The following CCNY variants were observed in gnomAD, a reference collection of about 807,000 sequenced individuals.
CCNY encodes the protein cyclin-Y.
In CCNY, 19 loss-of-function variants were observed where a neutral mutation model predicts 42.8. The ratio of observed to expected loss-of-function variants is 0.44; its 90% confidence interval spans 0.31 to 0.65. CCNY has a LOEUF of 0.65. Ranked by LOEUF, CCNY falls within the 30% of genes least tolerant of loss-of-function variation. The pLI is 0.07. For missense variants in CCNY, 370 were observed against 437.3 expected, an observed-to-expected ratio of 0.85 and a Z score of 1.37; for synonymous variants, 165 against 162.7, an observed-to-expected ratio of 1.01 and a Z score of -0.11.
intron 1 of CCNY, among the ~76,000 whole-genome samples, chr10:35,433,454 A>T (rs1838457599): frequency 6.6e-6 from 1 of 152,206 alleles, no homozygotes; most frequent in African/African-American, 2.4e-5. Context: ...TTCTTGTCAA[A>T]TAGTATAACA....
intron 1 of CCNY, among the ~76,000 whole-genome samples, chr10:35,437,196 G>A (rs1215646485): frequency 1.3e-5 from 2 of 152,168 alleles, no homozygotes; most frequent in Non-Finnish European, 2.9e-5. Context: ...TTTGGGTGGG[G>A]ACACAGAGCC....
At chr10:35,253,259 A>AT (rs1228661208) in intron 3 of CCNY, among the ~76,000 whole-genome samples, 1 of 151,322 alleles carries the variant, frequency 6.6e-6, no homozygotes, top group South Asian at 2.1e-4. Context: ...TCTCCACGTA[A>AT]TTTTTTTTGG....
intron 3 of CCNY, among the ~76,000 whole-genome samples, chr10:35,329,437 C>T (rs189353277): frequency 8.6e-4 from 131 of 152,184 alleles, no homozygotes; most frequent in Non-Finnish European, 1.6e-3. Context: ...TGTTTTTTAT[C>T]ATCCTGAAAA....
Position 35,336,544 on chromosome 10 carries a change from G to A in CCNY, c.-510G>A, listed in dbSNP as rs1836032425. On this transcript the variant is annotated 5_prime_UTR_variant, in exon 1 of 10. Coordinates refer to ENST00000374704, the MANE Select transcript of CCNY (RefSeq NM_145012.6). ...GCCGCGCCGCACCGCGCCGCGAGGA[G>A]TCCGGGGGCTGCGCCCACGCCCGCT... The A allele has an allele frequency of 6.7e-6, 1 of 149,020 alleles. No individual in the cohort carries two copies. Among genetic ancestry groups the A allele is most frequent in the Non-Finnish European group, 1.5e-5 (1 of 66,904 alleles). 9.2% of individuals were successfully genotyped at this position (149,020 alleles called of 1,614,324 possible). A position where few individuals can be genotyped will look rare whatever the true frequency, so the allele number is the denominator to read the frequency against.
At chr10:35,362,986 G>A (rs923681584) in intron 1 of CCNY, among the ~76,000 whole-genome samples, 1 of 151,510 alleles carries the variant, frequency 6.6e-6, no homozygotes, top group African/African-American at 2.4e-5. Flanking sequence ...CAGACAGGGC[G>A]GCGGCCGGGC....
chr10:35,568,939 C>A, intron 9 of CCNY, 115 bp from the exon 10 acceptor site: 1 of 706,694 alleles, frequency 1.4e-6, no homozygotes, highest in Admixed American at 2.1e-5. Flanking sequence ...GCCGGAGCTC[C>A]ACAGGGGCAG....
intron 3 of CCNY, among the ~76,000 whole-genome samples, chr10:35,509,349 C>T (rs1564439799): frequency 6.6e-6 from 1 of 152,158 alleles, no homozygotes; most frequent in Non-Finnish European, 1.5e-5. Context: ...GATCTTGGCT[C>T]ACTGCAACCT....
intron 3 of CCNY, among the ~76,000 whole-genome samples, chr10:35,258,659 T>G (rs1474695238): frequency 2.6e-5 from 4 of 152,072 alleles, no homozygotes; most frequent in African/African-American, 9.7e-5. Flanking sequence ...TAGAAACACA[T>G]GTGGGGTACA....
rs567437087 is a variant in CCNY at position 35,546,196 on chromosome 10, T to C, written c.580-6823T>C. On this transcript the variant is annotated intron_variant, in intron 7 of 9. Transcript: ENST00000374704. ...AGATTTAAAGTCCAGAAAGAAATTA[T>C]ATCTGGTACAGATTCAGACAATTAA... Among the ~76,000 whole-genome samples, 5 of 152,360 alleles carry C rather than the reference T, an allele frequency of 3.3e-5. No individual in the cohort carries two copies. In the South Asian group the frequency reaches 8.3e-4, roughly 25 times the overall value.
At chr10:35,521,628 G>T (rs554940099) in intron 4 of CCNY, among the ~76,000 whole-genome samples, 1 of 152,218 alleles carries the variant, frequency 6.6e-6, no homozygotes, top group Non-Finnish European at 1.5e-5. Flanking sequence ...AGACTGGATC[G>T]TTCTGGCCCT....
chr10:35,435,327 C>G (rs765915776), intron 1 of CCNY, among the ~76,000 whole-genome samples: 2 of 152,206 alleles, frequency 1.3e-5, no homozygotes, highest in Non-Finnish European at 2.9e-5. Context: ...TACCTATGGA[C>G]AGGCTTATTG....
chr10:35,419,533 C>CTTTTTTTTTTTTTTTTTTTTTTT lies in CCNY; in HGVS notation c.155-63856_155-63855insTTTTTTTTTTTTTTTTTTTTTTT, dbSNP rs34429228. 1.2e-3 allele frequency among the ~76,000 whole-genome samples: 151 copies of CTTTTTTTTTTTTTTTTTTTTTTT among 129,626 alleles called. 5 individuals carry two copies. The highest frequency in any genetic ancestry group is 4.5e-3 in the African/African-American group (141 of 31,678). The allele number at this position is 129,626 out of a possible 152,430, so 85.0% of individuals were successfully genotyped here. A position where few individuals can be genotyped will look rare whatever the true frequency, so the allele number is the denominator to read the frequency against. On this transcript the variant is annotated intron_variant, in intron 1 of 9. Coordinates refer to ENST00000374704, the MANE Select transcript of CCNY (RefSeq NM_145012.6). ...AGGACTGGGTTGCATTAGACCGTTC[C>CTTTTTTTTTTTTTTTTTTTTTTT]TTTTTTTTTTTTTTTAGCAATCTGG...
intron 1 of CCNY, among the ~76,000 whole-genome samples, chr10:35,417,640 G>A (rs1838054824): frequency 6.6e-6 from 1 of 152,074 alleles, no homozygotes; most frequent in South Asian, 2.1e-4. Context: ...TTAATTCTAG[G>A]GTGTTTGCCT....
chr10:35,480,097 G>A (rs1387194580), intron 1 of CCNY, among the ~76,000 whole-genome samples: 1 of 151,986 alleles, frequency 6.6e-6, no homozygotes, highest in Non-Finnish European at 1.5e-5. Flanking sequence ...CCTCATCCGT[G>A]AATTTCACAT....
intron 1 of CCNY, among the ~76,000 whole-genome samples, chr10:35,358,697 G>A (rs1157768671): frequency 2.0e-5 from 3 of 152,178 alleles, no homozygotes; most frequent in African/African-American, 7.2e-5. Flanking sequence ...TAGAGACAGA[G>A]AAAAGAAGAA....
intron 8 of CCNY, among the ~76,000 whole-genome samples, chr10:35,564,194 T>G (rs1841522387): frequency 6.9e-6 from 1 of 145,006 alleles, no homozygotes; most frequent in Non-Finnish European, 1.5e-5. Context: ...TTCTTAAAAC[T>G]ATGAAATTTA....
chr10:35,568,546 T>TGG (rs990764734), intron 9 of CCNY, among the ~76,000 whole-genome samples: 3 of 152,230 alleles, frequency 2.0e-5, no homozygotes, highest in Admixed American at 2.0e-4. Flanking sequence ...AGAGGTGACT[T>TGG]AAGTCCTCCA....
chr10:35,361,382 C>G lies in CCNY; in HGVS notation c.154+24175C>G, dbSNP rs369937204. Among the ~76,000 whole-genome samples the G allele has an allele frequency of 3.9e-5, 6 of 152,220 alleles. No homozygotes were observed. The East Asian group carries it at 5.8e-4, about 15-fold the overall frequency. On this transcript the variant is annotated intron_variant, in intron 1 of 9. Transcript: ENST00000374704. Reference sequence around the variant, plus strand: ...ACAGGTAATACAAGGTACATCAATTCCACAATTTATTTAATCATGACAGTA... The same window carrying G: ...ACAGGTAATACAAGGTACATCAATTGCACAATTTATTTAATCATGACAGTA...
chr10:35,531,312 CTT>C (rs1020568864), intron 7 of CCNY, among the ~76,000 whole-genome samples: 6 of 152,220 alleles, frequency 3.9e-5, no homozygotes, highest in East Asian at 3.9e-4. Context: ...CCGAAGGACT[CTT>C]TGTGTCTCCG....
Sources: allele counts gnomAD v4.1 joint callset (sites outside exome capture counted in the v4.1 genomes callset), GRCh38; gene constraint gnomAD v4.1.1; transcripts MANE v1.5; gene names NCBI Gene and HGNC (gene_info 2026-07-23, HGNC 2026-07-21).